STXBP5L: variants seen among roughly 807,000 people sequenced by gnomAD.
The protein encoded by STXBP5L is syntaxin-binding protein 5-like.
Under a neutral mutation model 144.5 loss-of-function variants are expected in STXBP5L, and 65 were observed. That is an observed-to-expected ratio of 0.45 (90% CI 0.37 to 0.55). The LOEUF (loss-of-function observed/expected upper bound fraction) is 0.55, where lower values mean the gene tolerates loss of function less well. Among genes scored for constraint, STXBP5L ranks in the 20% least tolerant of loss-of-function variants. The pLI, the probability that STXBP5L is intolerant of heterozygous loss-of-function variation, is 0.00. For missense variants in STXBP5L, 1,298 were observed against 1,405.5 expected (o/e 0.92, Z 1.22); for synonymous variants, 505 against 469.6 (o/e 1.08, Z -0.97).
intron 3 of STXBP5L, among the ~76,000 whole-genome samples, chr3:121,007,833 CAG>C (rs1228301622): frequency 6.6e-6 from 1 of 151,938 alleles, no homozygotes; most frequent in Non-Finnish European, 1.5e-5. Context: ...GCATCTTCTA[CAG>C]ATACACATCT....
chr3:121,173,894 C>T (rs1303284241), intron 9 of STXBP5L, among the ~76,000 whole-genome samples: 1 of 148,216 alleles, frequency 6.7e-6, no homozygotes, highest in African/African-American at 2.5e-5. Context: ...TCAGTAGTGG[C>T]ACTTTGTATG....
chr3:121,112,379 G>T (rs895180094), intron 5 of STXBP5L, among the ~76,000 whole-genome samples: 8 of 152,130 alleles, frequency 5.3e-5, no homozygotes, highest in Admixed American at 4.6e-4. Flanking sequence ...ACCTTGCTTG[G>T]CTGGGAGTGG....
At chr3:121,123,951 A>G (rs935633330) in intron 7 of STXBP5L, among the ~76,000 whole-genome samples, 6 of 151,752 alleles carry the variant, frequency 4.0e-5, no homozygotes, top group African/African-American at 1.4e-4. Flanking sequence ...CCTACCAGAG[A>G]GAAAATACAA....
At position 120,943,239 on chromosome 3, in the gene STXBP5L, C is replaced by T. The variant is rs537522264; in HGVS notation, c.190-11701C>T. 2.6e-5 allele frequency among the ~76,000 whole-genome samples: 4 copies of T among 151,730 alleles called. No homozygotes were observed. The East Asian group carries it at 7.7e-4, about 29-fold the overall frequency. The stretch of plus-strand genomic sequence containing the variant: ...ATCAGAATTACAGATTCCTTAGAGA[C>T]TAAAGATTATATTCACAAGAGGTAG... On this transcript the variant is annotated intron_variant, in intron 2 of 26. Transcript: ENST00000471454.
chr3:121,089,929 T>C (rs941902595), intron 5 of STXBP5L, among the ~76,000 whole-genome samples: 3 of 152,062 alleles, frequency 2.0e-5, no homozygotes, highest in African/African-American at 7.2e-5. Context: ...TTGGTTCTTT[T>C]TACTTACTTT....
chr3:120,914,769 A>G (rs1709023023), intron 2 of STXBP5L, among the ~76,000 whole-genome samples: 2 of 152,310 alleles, frequency 1.3e-5, no homozygotes, highest in South Asian at 2.1e-4. Context: ...CAAAAAGCAC[A>G]GTAGAGGCAT....
chr3:120,994,457 G>A (rs1943180441), intron 3 of STXBP5L, among the ~76,000 whole-genome samples: 1 of 152,046 alleles, frequency 6.6e-6, no homozygotes, highest in Non-Finnish European at 1.5e-5. Context: ...GTTAAGGTAT[G>A]TTTCTTCAAT....
At chr3:121,402,193 C>T (rs143219637) in intron 22 of STXBP5L, among the ~76,000 whole-genome samples, 24 of 152,254 alleles carry the variant, frequency 1.6e-4, no homozygotes, top group African/African-American at 5.5e-4. Context: ...TTATTGAGCA[C>T]ATGACATGTC....
At chr3:121,055,829 T>C (rs561707636) in intron 5 of STXBP5L, among the ~76,000 whole-genome samples, 1 of 151,726 alleles carries the variant, frequency 6.6e-6, no homozygotes, top group Admixed American at 6.6e-5. Context: ...CCTCCTGAGG[T>C]GTGCACTATG....
In STXBP5L at chr3:120,971,380, C is replaced by T. The variant is rs577884720; in HGVS notation, c.287+16343C>T. 4.0e-3 allele frequency among the ~76,000 whole-genome samples: 611 copies of T among 152,040 alleles called. 1 individual carries two copies. The highest frequency in any genetic ancestry group is 6.5e-3 in the Non-Finnish European group (445 of 67,960). On this transcript the variant is annotated intron_variant, in intron 3 of 26. Transcript: ENST00000471454. ...ATTTTATCCTTCACCCGCACCCCCC[C>T]CAACTCCTTAACTCCATCCCACCTT...
intron 3 of STXBP5L, among the ~76,000 whole-genome samples, chr3:120,972,400 A>G (rs1383560153): frequency 1.3e-5 from 2 of 151,980 alleles, no homozygotes; most frequent in African/African-American, 4.8e-5. Context: ...AATGGTTTTG[A>G]TTTTTATACA....
At chr3:121,033,182 A>G (rs1388393321) in intron 3 of STXBP5L, among the ~76,000 whole-genome samples, 1 of 140,536 alleles carries the variant, frequency 7.1e-6, no homozygotes, top group Non-Finnish European at 1.5e-5. Flanking sequence ...CAAATGTCCA[A>G]CAATGATAGA....
rs201244840 is a variant in STXBP5L, at chr3:120,977,395, T to A, written c.287+22358T>A. The stretch of plus-strand genomic sequence containing the variant: ...CTGCCTTTTTTTGTTTTCCATTTGC[T>A]TGTAGATCTTCCTTCATCCCTTTAT... On this transcript the variant is annotated intron_variant, in intron 3 of 26. Transcript: ENST00000471454. Among the ~76,000 whole-genome samples the A allele has an allele frequency of 4.6e-5, 7 of 152,304 alleles. No individual in the cohort carries two copies. In the East Asian group the frequency reaches 1.3e-3, roughly 29 times the overall value.
At chr3:121,023,154 G>A (rs1460895623) in intron 3 of STXBP5L, among the ~76,000 whole-genome samples, 5 of 144,328 alleles carry the variant, frequency 3.5e-5, no homozygotes, top group Non-Finnish European at 6.0e-5. Context: ...GACAATAGTT[G>A]CAAAAAAAAA....
intron 18 of STXBP5L, among the ~76,000 whole-genome samples, chr3:121,261,395 T>A (rs879909522): frequency 5.3e-5 from 8 of 152,192 alleles, no homozygotes; most frequent in Admixed American, 5.2e-4. Flanking sequence ...TGAGAATTAT[T>A]AAAGATGAAA....
At position 121,347,085 on chromosome 3, in the gene STXBP5L, G is replaced by A. The variant is rs181919910; in HGVS notation, c.2176+28545G>A. ...TTCTTTTAGGGTTTTTATGGTTTTA[G>A]GTCTAACATTTAAGTCTTTAATCCA... On this transcript the variant is annotated intron_variant, in intron 20 of 26. Transcript: ENST00000471454. 2.5e-3 allele frequency among the ~76,000 whole-genome samples: 378 copies of A among 152,208 alleles called. 2 individuals are homozygous for A. Among genetic ancestry groups the A allele is most frequent in the African/African-American group, 8.6e-3 (355 of 41,518 alleles).
chr3:121,248,173 C>T (rs1278315850), intron 14 of STXBP5L, among the ~76,000 whole-genome samples: 1 of 152,152 alleles, frequency 6.6e-6, no homozygotes, highest in East Asian at 1.9e-4. Flanking sequence ...AAGCAATTCT[C>T]CTGCTTCAGC....
Position 121,351,378 on chromosome 3 carries a change from T to C in STXBP5L, c.2177-27338T>C, listed in dbSNP as rs905077859. Among the ~76,000 whole-genome samples the C allele has an allele frequency of 4.0e-5, 6 of 151,832 alleles. No homozygotes were observed. In the East Asian group the frequency reaches 9.7e-4, roughly 24 times the overall value. ...GTGTCAGTCTGCCCCTAATGGGGGG[T>C]GCCTCCCAGTTAGGCTACTCAGGGG... On this transcript the variant is annotated intron_variant, in intron 20 of 26. Coordinates refer to ENST00000471454, the MANE Select transcript of STXBP5L (RefSeq NM_001308330.2).
chr3:121,383,889 A>T (rs183882996), intron 22 of STXBP5L, among the ~76,000 whole-genome samples: 12 of 152,250 alleles, frequency 7.9e-5, no homozygotes, highest in African/African-American at 2.9e-4. Context: ...TTGCTGCCAT[A>T]GCTTATGGGA....
Sources: allele counts gnomAD v4.1 joint callset (sites outside exome capture counted in the v4.1 genomes callset), GRCh38; gene constraint gnomAD v4.1.1; transcripts MANE v1.5; gene names NCBI Gene and HGNC (gene_info 2026-07-23, HGNC 2026-07-21).